Variants in SEC24D observed in about 807,000 individuals in gnomAD.
SEC24D encodes the protein SEC24 homolog D, COPII component.
In SEC24D, 69 loss-of-function variants were observed where a neutral mutation model predicts 116.9. The ratio of observed to expected loss-of-function variants is 0.59; its 90% confidence interval spans 0.49 to 0.72. The LOEUF (loss-of-function observed/expected upper bound fraction) is 0.72. Ranked by LOEUF, SEC24D falls within the 30% of genes least tolerant of loss-of-function variation. SEC24D has a pLI of 0.00. For synonymous variants in SEC24D, 405 were observed against 442.8 expected, an observed-to-expected ratio of 0.91 and a Z score of 1.07; for missense variants, 1,131 against 1,264.1, an observed-to-expected ratio of 0.89 and a Z score of 1.60.
intron 6 of SEC24D, 56 bp downstream of exon 6, chr4:118,814,972 G>A: frequency 6.3e-7 from 1 of 1,580,586 alleles, no homozygotes. Context: ...ATGAGTTGCT[G>A]AGAAAAATTA....
intron 6 of SEC24D, among the ~76,000 whole-genome samples, chr4:118,812,834 C>T (rs79440408): frequency 6.6e-6 from 1 of 152,118 alleles, no homozygotes; most frequent in Non-Finnish European, 1.5e-5. Flanking sequence ...ATACAAGTCA[C>T]CTATAGACGG....
chr4:118,723,507 A>G lies in SEC24D; in HGVS notation c.*8T>C, dbSNP rs747558960. On this transcript the variant is annotated 3_prime_UTR_variant, in exon 23 of 23. Coordinates refer to ENST00000280551, the MANE Select transcript of SEC24D (RefSeq NM_014822.4). ...GGAAATGCAACATCAATGACAGAGA[A>G]GTTTCAATTAATTAAGCAGCTGACA... 4.4e-6 allele frequency: 7 copies of G among 1,606,024 alleles called. No homozygotes were observed. In the African/African-American group the frequency reaches 6.7e-5, roughly 15 times the overall value.
intron 4 of SEC24D, chr4:118,816,753 A>G: frequency 2.2e-6 from 1 of 454,346 alleles, no homozygotes; most frequent in South Asian, 1.6e-5. Flanking sequence ...CAGGATATAC[A>G]GCATTTCTGT....
intron 1 of SEC24D, among the ~76,000 whole-genome samples, chr4:118,834,713 C>T (rs1731016271): frequency 6.6e-6 from 1 of 152,166 alleles, no homozygotes; most frequent in East Asian, 1.9e-4. Context: ...GCCTCAGTTC[C>T]TTCTTTTAGA....
At chr4:118,832,797 A>G (rs1165477140) in intron 2 of SEC24D, among the ~76,000 whole-genome samples, 3 of 152,228 alleles carry the variant, frequency 2.0e-5, no homozygotes, top group African/African-American at 7.2e-5. Context: ...ATAAATGCTG[A>G]GGAGAAATGA....
intron 14 of SEC24D, among the ~76,000 whole-genome samples, chr4:118,744,608 G>C (rs1350749474): frequency 6.6e-6 from 1 of 152,174 alleles, no homozygotes; most frequent in Non-Finnish European, 1.5e-5. Context: ...TCATGCCTCA[G>C]GCCTCTGCCG....
chr4:118,784,744 C>CA (rs944761477), intron 8 of SEC24D, among the ~76,000 whole-genome samples: 1 of 151,160 alleles, frequency 6.6e-6, no homozygotes, highest in Non-Finnish European at 1.5e-5. Context: ...TCCCTGCCCC[C>CA]CCCCCCGCCA....
chr4:118,777,986 T>G (rs1728227045), intron 8 of SEC24D, among the ~76,000 whole-genome samples: 1 of 152,154 alleles, frequency 6.6e-6, no homozygotes, highest in Non-Finnish European at 1.5e-5. Context: ...GTTTAAGTTC[T>G]TTGTAGATTC....
Position 118,750,500 on chromosome 4 carries a change from G to A in SEC24D, c.1707+1496C>T, listed in dbSNP as rs528369847. Among the ~76,000 whole-genome samples the A allele has an allele frequency of 1.2e-4, 19 of 152,256 alleles. No homozygotes were observed. The South Asian group carries it at 3.5e-3, about 28-fold the overall frequency. On this transcript the variant is annotated intron_variant, in intron 13 of 22. Transcript: ENST00000280551. ...TGCTCTCTTAATTGGTGAAATATTA[G>A]CTAATGAATATCTACTCATCCTTCC...
In SEC24D at chr4:118,791,167, G is replaced by A. The variant is rs150259327; in HGVS notation, c.1041+6516C>T. Among the ~76,000 whole-genome samples, 371 of 152,066 alleles carry A rather than the reference G, an allele frequency of 2.4e-3. 2 individuals are homozygous for A. Among genetic ancestry groups the A allele is most frequent in the African/African-American group, 8.5e-3 (353 of 41,490 alleles). ...ACGATAGTGCCACTTATTGATATGT[G>A]GAAAAATAAACAGGTTTGGGGTGCA... is the stretch of plus-strand genomic sequence containing the variant. On this transcript the variant is annotated intron_variant, in intron 8 of 22. Transcript: ENST00000280551.
At chr4:118,807,477 A>G (rs1729723189) in intron 6 of SEC24D, among the ~76,000 whole-genome samples, 1 of 151,990 alleles carries the variant, frequency 6.6e-6, no homozygotes, top group South Asian at 2.1e-4. Context: ...TAAGAGAAAC[A>G]AGGAGGAATA....
intron 6 of SEC24D, among the ~76,000 whole-genome samples, chr4:118,808,429 T>C (rs1195666601): frequency 3.3e-5 from 5 of 152,216 alleles, no homozygotes; most frequent in African/African-American, 7.2e-5. Context: ...ATTTTTAAAT[T>C]ATCCATTTGC....
intron 8 of SEC24D, 121 bp from the exon 9 acceptor site, chr4:118,768,432 TCA>T: frequency 1.3e-6 from 1 of 744,116 alleles, no homozygotes; most frequent in Non-Finnish European, 2.1e-6. Context: ...TCTTGCTCTG[TCA>T]CTCAGGCTAG....
At chr4:118,775,490 G>GAAA (rs1465990753) in intron 8 of SEC24D, among the ~76,000 whole-genome samples, 3 of 152,096 alleles carry the variant, frequency 2.0e-5, no homozygotes, top group Non-Finnish European at 4.4e-5. Context: ...AACACAGGAG[G>GAAA]AAAAGCCCAC....
chr4:118,753,843 C>A (rs1213567620), intron 11 of SEC24D, among the ~76,000 whole-genome samples: 1 of 152,148 alleles, frequency 6.6e-6, no homozygotes, highest in African/African-American at 2.4e-5. Flanking sequence ...ATGCCACTTT[C>A]TTTGACCATT....
chr4:118,815,183 G>T, intron 5 of SEC24D, 28 bp from the exon 6 acceptor site: 4 of 1,613,028 alleles, frequency 2.5e-6, no homozygotes, highest in Non-Finnish European at 3.4e-6. Context: ...AAAGAGAAAT[G>T]ACTATCATCC....
Position 118,792,734 on chromosome 4 carries a change from C to A in SEC24D, c.1041+4949G>T, listed in dbSNP as rs563325030. Reference sequence around the variant, plus strand: ...CATCACCACTCCCTAATCTCAAGTACCCAGGGACACAAAGACTGCGGAAGG... The same window carrying A: ...CATCACCACTCCCTAATCTCAAGTAACCAGGGACACAAAGACTGCGGAAGG... On this transcript the variant is annotated intron_variant, in intron 8 of 22. Coordinates refer to ENST00000280551, the MANE Select transcript of SEC24D (RefSeq NM_014822.4). Among the ~76,000 whole-genome samples, 9 of 152,176 alleles carry A rather than the reference C, an allele frequency of 5.9e-5. No individual in the cohort carries two copies. The South Asian group carries it at 1.9e-3, about 32-fold the overall frequency.
intron 3 of SEC24D, among the ~76,000 whole-genome samples, chr4:118,823,363 A>C (rs1029998755): frequency 1.3e-5 from 2 of 152,180 alleles, no homozygotes; most frequent in African/African-American, 2.4e-5. Context: ...AATTAACCTG[A>C]TGACTTTAAA....
Position 118,723,447 on chromosome 4 carries a change from A to G in SEC24D, c.*68T>C. Reference sequence around the variant, plus strand: ...AATCAAAACTAGCCTATTATCATCTAGAAAATTAGGCACCAAGAAGGAGAT... The same window carrying G: ...AATCAAAACTAGCCTATTATCATCTGGAAAATTAGGCACCAAGAAGGAGAT... On this transcript the variant is annotated 3_prime_UTR_variant, in exon 23 of 23. Transcript: ENST00000280551. The G allele has an allele frequency of 6.7e-7, 1 of 1,486,866 alleles. No individual in the cohort carries two copies. The highest frequency in any genetic ancestry group is 9.1e-7 in the Non-Finnish European group (1 of 1,093,394). 92.1% of individuals were successfully genotyped at this position (1,486,866 alleles called of 1,614,324 possible).
Sources: allele counts gnomAD v4.1 joint callset (sites outside exome capture counted in the v4.1 genomes callset), GRCh38; gene constraint gnomAD v4.1.1; transcripts MANE v1.5; gene names NCBI Gene and HGNC (gene_info 2026-07-23, HGNC 2026-07-21).